AGPAT5: variants seen among roughly 807,000 people sequenced by gnomAD.
The protein encoded by AGPAT5 is 1-acylglycerol-3-phosphate O-acyltransferase 5.
A neutral mutation model predicts 45.6 loss-of-function variants in AGPAT5; 46 were observed. The ratio of observed to expected loss-of-function variants is 1.01; its 90% CI spans 0.80 to 1.29. The LOEUF (loss-of-function observed/expected upper bound fraction) is 1.29. AGPAT5 is among the 50% of genes most tolerant of loss of function. The pLI is 0.00. For missense variants in AGPAT5, 673 were observed against 450.7 expected (o/e 1.49, Z -4.47); for synonymous variants, 272 against 167.0 (o/e 1.63, Z -4.85).
chr8:6,717,298 T>C (rs1243637298), intron 1 of AGPAT5, among the ~76,000 whole-genome samples: 6 of 152,180 alleles, frequency 3.9e-5, no homozygotes, highest in Non-Finnish European at 8.8e-5. Context: ...TATTTGTGTA[T>C]AAGTGTAAGT....
At chr8:6,714,328 C>G (rs1375478333) in intron 1 of AGPAT5, among the ~76,000 whole-genome samples, 1 of 152,160 alleles carries the variant, frequency 6.6e-6, no homozygotes, top group African/African-American at 2.4e-5. Context: ...ATAATAAAAA[C>G]TTTTACTATA....
intron 3 of AGPAT5, among the ~76,000 whole-genome samples, chr8:6,731,590 G>A (rs1319943116): frequency 6.6e-6 from 1 of 151,954 alleles, no homozygotes; most frequent in South Asian, 2.1e-4. Flanking sequence ...ATCTGCAGAT[G>A]TGGAACTCAT....
chr8:6,712,374 A>T (rs905548545), intron 1 of AGPAT5, among the ~76,000 whole-genome samples: 7 of 72,620 alleles, frequency 9.6e-5, no homozygotes, highest in African/African-American at 6.6e-4. Flanking sequence ...TCTTGTGATT[A>T]TATATATATA....
chr8:6,739,682 A>T (rs147692903), intron 4 of AGPAT5, among the ~76,000 whole-genome samples: 2 of 152,112 alleles, frequency 1.3e-5, no homozygotes, highest in African/African-American at 4.8e-5. Flanking sequence ...TACATAAACA[A>T]TCATGTCATT....
At chr8:6,756,098 C>G (rs1409061678) in intron 7 of AGPAT5, among the ~76,000 whole-genome samples, 1 of 152,208 alleles carries the variant, frequency 6.6e-6, no homozygotes, top group Non-Finnish European at 1.5e-5. Flanking sequence ...AATAGAAGCG[C>G]TTTCCCTTTC....
chr8:6,721,321 C>T (rs566608966), intron 1 of AGPAT5, among the ~76,000 whole-genome samples: 2 of 152,242 alleles, frequency 1.3e-5, no homozygotes, highest in South Asian at 4.1e-4. Context: ...AATTGAAATT[C>T]TTTATAGCTG....
intron 6 of AGPAT5, among the ~76,000 whole-genome samples, chr8:6,748,182 T>A (rs967258703): frequency 6.6e-6 from 1 of 152,192 alleles, no homozygotes; most frequent in Non-Finnish European, 1.5e-5. Flanking sequence ...GCTGCCCTTT[T>A]GCTGTATTTT....
At chr8:6,719,478 C>G (rs1035358540) in intron 1 of AGPAT5, among the ~76,000 whole-genome samples, 1 of 152,194 alleles carries the variant, frequency 6.6e-6, no homozygotes, top group African/African-American at 2.4e-5. Context: ...TCCTACTCAT[C>G]AAAATTCTGC....
intron 5 of AGPAT5, among the ~76,000 whole-genome samples, chr8:6,747,126 G>A (rs1015979586): frequency 1.3e-5 from 2 of 152,200 alleles, no homozygotes; most frequent in Non-Finnish European, 2.9e-5. Flanking sequence ...CAACCCAAAT[G>A]TCCATGAAGC....
At chr8:6,711,248 A>C (rs1800148126) in intron 1 of AGPAT5, among the ~76,000 whole-genome samples, 1 of 152,256 alleles carries the variant, frequency 6.6e-6, no homozygotes, top group South Asian at 2.1e-4. Flanking sequence ...TGTGCTTGGC[A>C]GGTAAACCTG....
intron 2 of AGPAT5, among the ~76,000 whole-genome samples, chr8:6,727,436 TA>T (rs1800725295): frequency 6.6e-6 from 1 of 152,008 alleles, no homozygotes; most frequent in Non-Finnish European, 1.5e-5. Flanking sequence ...AGGCTGGGTG[TA>T]ATGGTGCAAT....
At position 6,741,715 on chromosome 8, in the gene AGPAT5, G is replaced by C. The variant is rs1195891323; in HGVS notation, c.550G>C (p.Val184Leu). 1 of 1,612,652 alleles carries C rather than the reference G, an allele frequency of 6.2e-7. No individual in the cohort carries two copies. Among genetic ancestry groups the C allele is most frequent in the East Asian group, 2.2e-5 (1 of 44,804 alleles). The change falls in exon 5 of 8, where the codon GTC (valine) becomes CTC (leucine). Residue 184 changes from valine to leucine, a missense_variant. Val to Leu is a conservative substitution (Grantham distance 32, BLOSUM62 1). Transcript: ENST00000285518. ...AAGGTATAATCCAGAGCAAACAAAA[G>C]TCCTTTCAGCTAGTCAGGCATTTGC... ...GTRYNPEQTK[V>L]LSASQAFAAQ...
chr8:6,711,873 G>T (rs774604568), intron 1 of AGPAT5, among the ~76,000 whole-genome samples: 1 of 152,132 alleles, frequency 6.6e-6, no homozygotes, highest in Non-Finnish European at 1.5e-5. Flanking sequence ...TCTCTTAGAA[G>T]GATGCTTGTC....
intron 6 of AGPAT5, 54 bp downstream of exon 6, chr8:6,747,882 G>T (rs1587059522): frequency 1.3e-6 from 2 of 1,505,836 alleles, no homozygotes; most frequent in African/African-American, 2.8e-5. Flanking sequence ...CAGTGCACAT[G>T]TTTATGTAGA....
intron 4 of AGPAT5, among the ~76,000 whole-genome samples, chr8:6,738,183 A>G (rs973327866): frequency 6.6e-6 from 1 of 151,808 alleles, no homozygotes; most frequent in Non-Finnish European, 1.5e-5. Flanking sequence ...TTGGCTTTCA[A>G]CATACCTTCC....
At chr8:6,717,618 A>C (rs576971842) in intron 1 of AGPAT5, among the ~76,000 whole-genome samples, 1 of 152,240 alleles carries the variant, frequency 6.6e-6, no homozygotes, top group Non-Finnish European at 1.5e-5. Context: ...GAGGAATACA[A>C]CTGTGTCCAA....
At chr8:6,717,985 A>G (rs949868644) in intron 1 of AGPAT5, among the ~76,000 whole-genome samples, 3 of 152,176 alleles carry the variant, frequency 2.0e-5, no homozygotes, top group Admixed American at 2.0e-4. Flanking sequence ...GCCATTCCGT[A>G]TGTCATCTGG....
rs1047656310 is a variant in AGPAT5 at position 6,758,870 on chromosome 8, A to G, written c.*1482A>G. The G allele has an allele frequency of 5.2e-5, 8 of 152,700 alleles. No individual in the cohort carries two copies. The highest frequency in any genetic ancestry group is 1.0e-4 in the Non-Finnish European group (7 of 68,046). The allele number at this position is 152,700 out of a possible 1,614,324, so 9.5% of individuals were successfully genotyped here. A position where few individuals can be genotyped will look rare whatever the true frequency, so the allele number is the denominator to read the frequency against. On this transcript the variant is annotated 3_prime_UTR_variant, in exon 8 of 8. Transcript: ENST00000285518. ...GCTACTGGATTTTTGCTGCAGAAAT[A>G]TATCAGTGGCCCACATTAAACATAC... is the stretch of plus-strand genomic sequence containing the variant.
At chr8:6,717,934 G>A (rs1490259997) in intron 1 of AGPAT5, among the ~76,000 whole-genome samples, 1 of 152,178 alleles carries the variant, frequency 6.6e-6, no homozygotes, top group Admixed American at 6.5e-5. Context: ...AAGATTTTGG[G>A]ATCTTGCAGT....
Sources: gnomAD v4.1 joint callset for allele counts (sites outside exome capture counted in the v4.1 genomes callset) on GRCh38, gnomAD v4.1.1 for gene constraint, MANE v1.5 for transcripts, NCBI Gene and HGNC (gene_info 2026-07-23, HGNC 2026-07-21) for gene names.